NUFIP2: variants seen among roughly 807,000 people sequenced by gnomAD.
NUFIP2 encodes FMR1-interacting protein NUFIP2.
In NUFIP2, 6 loss-of-function variants were observed where a neutral mutation model predicts 56.9. The observed-to-expected ratio is 0.11, with a 90% confidence interval of 0.06 to 0.21. The LOEUF (loss-of-function observed/expected upper bound fraction) is 0.21, where lower values mean the gene tolerates loss of function less well. Ranked by LOEUF, NUFIP2 falls within the 10% of genes least tolerant of loss-of-function variation. The pLI, the probability that NUFIP2 is intolerant of heterozygous loss-of-function variation, is 1.00. For missense variants in NUFIP2, 828 were observed against 826.8 expected, an observed-to-expected ratio of 1.00 and a Z score of -0.02; for synonymous variants, 321 against 298.2, an observed-to-expected ratio of 1.08 and a Z score of -0.79.
At chr17:29,274,151 G>A (rs1485608954) in intron 2 of NUFIP2, among the ~76,000 whole-genome samples, 1 of 152,186 alleles carries the variant, frequency 6.6e-6, no homozygotes, top group African/African-American at 2.4e-5. Context: ...TTGAGCAGGG[G>A]TGAACAAACA....
At chr17:29,269,677 T>C (rs2069059843) in intron 2 of NUFIP2, among the ~76,000 whole-genome samples, 1 of 151,962 alleles carries the variant, frequency 6.6e-6, no homozygotes, top group Admixed American at 6.6e-5. Context: ...GATGGGGTCT[T>C]GCTATGTTGC....
At chr17:29,276,718 A>G (rs1161866913) in intron 2 of NUFIP2, among the ~76,000 whole-genome samples, 2 of 152,188 alleles carry the variant, frequency 1.3e-5, no homozygotes, top group Non-Finnish European at 2.9e-5. Flanking sequence ...CCTCTCATCT[A>G]TTTATCACTA....
chr17:29,265,459 C>T (rs1358879724), intron 3 of NUFIP2, among the ~76,000 whole-genome samples: 12 of 146,804 alleles, frequency 8.2e-5, no homozygotes, highest in Non-Finnish European at 1.7e-4. Context: ...CCCGCTACCA[C>T]GCCCGGCTAA....
At chr17:29,273,772 C>T (rs1009356216) in intron 2 of NUFIP2, among the ~76,000 whole-genome samples, 1 of 152,124 alleles carries the variant, frequency 6.6e-6, no homozygotes, top group African/African-American at 2.4e-5. Context: ...CCACTACCAC[C>T]ACCCAATCTG....
rs1270288443 is a variant in NUFIP2 at position 29,258,172 on chromosome 17, G to A, written c.*6367C>T. On this transcript the variant is annotated 3_prime_UTR_variant, in exon 4 of 4. Transcript: ENST00000225388. ...TTAAAATTTTGGCTTTGCGATATTGGCAACATCAAAATATAACCAGATAGC... is the reference window on the plus strand; with the variant it reads ...TTAAAATTTTGGCTTTGCGATATTGACAACATCAAAATATAACCAGATAGC... 6.6e-6 allele frequency: 1 copy of A among 151,964 alleles called. No individual in the cohort carries two copies. Among genetic ancestry groups the A allele is most frequent in the Non-Finnish European group, 1.5e-5 (1 of 67,970 alleles). 9.4% of individuals were successfully genotyped at this position (151,964 alleles called of 1,614,324 possible).
chr17:29,265,908 C>T (rs1433371383), intron 3 of NUFIP2, among the ~76,000 whole-genome samples: 1 of 152,096 alleles, frequency 6.6e-6, no homozygotes, highest in Non-Finnish European at 1.5e-5. Flanking sequence ...AGAACATGCT[C>T]ATTCCTAAGA....
intron 2 of NUFIP2, among the ~76,000 whole-genome samples, chr17:29,277,181 T>C (rs1441393759): frequency 6.6e-6 from 1 of 152,016 alleles, no homozygotes; most frequent in East Asian, 1.9e-4. Context: ...CGTGCCACCA[T>C]GCCCGGCTCA....
intron 2 of NUFIP2, among the ~76,000 whole-genome samples, chr17:29,271,391 G>GT (rs1422846147): frequency 1.3e-5 from 2 of 151,912 alleles, no homozygotes; most frequent in African/African-American, 4.8e-5. Context: ...ACAAAAATTA[G>GT]TAACGCATGG....
chr17:29,293,915 G>T lies in NUFIP2; in HGVS notation c.145C>A (p.His49Asn), dbSNP rs756259199. The change falls in exon 1 of 4, where the codon CAT becomes AAT. Residue 49 changes from histidine (H) to asparagine (N), a missense_variant. By Grantham distance (68) the His-to-Asn change is moderately conservative (BLOSUM62 1). This residue lies in a region of NUFIP2 where 415 missense variants were observed against 408.7 expected (regional missense o/e 1.02). Coordinates refer to ENST00000225388, the MANE Select transcript of NUFIP2 (RefSeq NM_020772.3). ...YNHSHNHHHH[H>N]HHQQPHQYLQ... ...TATTGGTGAGGCTGCTGGTGATGATGGTGGTGGTGGTGGTTGTGGCTGTGG... is the reference window on the plus strand; with the variant it reads ...TATTGGTGAGGCTGCTGGTGATGATTGTGGTGGTGGTGGTTGTGGCTGTGG... 1.2e-6 allele frequency: 2 copies of T among 1,605,606 alleles called. No individual in the cohort carries two copies. The highest frequency in any genetic ancestry group is 2.7e-5 in the African/African-American group (2 of 74,696).
chr17:29,269,795 A>C (rs1181093911), intron 2 of NUFIP2, among the ~76,000 whole-genome samples: 1 of 151,760 alleles, frequency 6.6e-6, no homozygotes, highest in Non-Finnish European at 1.5e-5. Flanking sequence ...ATCTCAGCTC[A>C]CTGCAAGCTC....
rs1781281392 is a variant in NUFIP2, at chr17:29,262,007, T to A, written c.*2532A>T. 6.6e-6 allele frequency: 1 copy of A among 152,430 alleles called. No homozygotes were observed. Among genetic ancestry groups the A allele is most frequent in the Non-Finnish European group, 1.5e-5 (1 of 68,014 alleles). 9.4% of individuals were successfully genotyped at this position (152,430 alleles called of 1,614,324 possible). ...TTTGGCTTCTCTGAACACTGAGGCC[T>A]GAGGGATATGGAAGGAAATTAGAAA... is the stretch of plus-strand genomic sequence containing the variant. On this transcript the variant is annotated 3_prime_UTR_variant, in exon 4 of 4. Transcript: ENST00000225388.
chr17:29,292,245 T>C (rs1198868228), intron 1 of NUFIP2, among the ~76,000 whole-genome samples: 1 of 152,090 alleles, frequency 6.6e-6, no homozygotes, highest in African/African-American at 2.4e-5. Context: ...TCTAACCTCA[T>C]GGATGAGCCA....
Position 29,258,311 on chromosome 17 carries a change from T to G in NUFIP2, c.*6228A>C, listed in dbSNP as rs1477065063. On this transcript the variant is annotated 3_prime_UTR_variant, in exon 4 of 4. Coordinates refer to ENST00000225388, the MANE Select transcript of NUFIP2 (RefSeq NM_020772.3). Reference sequence around the variant, plus strand: ...GTGCTTGAGAAATGACTTTTCTTCTTGTCAAGTAGCATTCACTAAAGTTTT... The same window carrying G: ...GTGCTTGAGAAATGACTTTTCTTCTGGTCAAGTAGCATTCACTAAAGTTTT... The G allele has an allele frequency of 1.3e-5, 2 of 152,214 alleles. No individual in the cohort carries two copies. Among genetic ancestry groups the G allele is most frequent in the Non-Finnish European group, 2.9e-5 (2 of 68,028 alleles). The allele number at this position is 152,214 out of a possible 1,614,324, so 9.4% of individuals were successfully genotyped here.
rs778209919 is a variant in NUFIP2 at position 29,294,097 on chromosome 17, T to G, written c.-38A>C. 65 of 1,562,062 alleles carry G rather than the reference T, an allele frequency of 4.2e-5. No homozygotes were observed. In the South Asian group the frequency reaches 7.6e-4, roughly 18 times the overall value. On this transcript the variant is annotated 5_prime_UTR_variant, in exon 1 of 4. Transcript: ENST00000225388. The stretch of plus-strand genomic sequence containing the variant: ...GGACTCCCTGGCTGAGGCTGCGGGC[T>G]GCTGCACCGTCAGGATCTGAGACTG...
At position 29,263,984 on chromosome 17, in the gene NUFIP2, A is replaced by C. The variant is rs2069018948; in HGVS notation, c.*555T>G. 6.5e-6 allele frequency: 1 copy of C among 152,750 alleles called. No homozygotes were observed. Among genetic ancestry groups the C allele is most frequent in the Admixed American group, 6.5e-5 (1 of 15,280 alleles). 9.5% of individuals were successfully genotyped at this position (152,750 alleles called of 1,614,324 possible). On this transcript the variant is annotated 3_prime_UTR_variant, in exon 4 of 4. Transcript: ENST00000225388. Reference sequence around the variant, plus strand: ...ATTCGCTAAAAAAATACACCCTGCTAACTTCAAGGCATTTATCCAGCATTC... The same window carrying C: ...ATTCGCTAAAAAAATACACCCTGCTCACTTCAAGGCATTTATCCAGCATTC...
At position 29,285,118 on chromosome 17, in the gene NUFIP2, C is replaced by T. The variant is rs548143177; in HGVS notation, c.2002+874G>A. Reference sequence around the variant, plus strand: ...AAGTTTGAGATCAGCCTGGCCAACACGGGGAAACCCGTGTCTACTGAAAAT... The same window carrying T: ...AAGTTTGAGATCAGCCTGGCCAACATGGGGAAACCCGTGTCTACTGAAAAT... On this transcript the variant is annotated intron_variant, in intron 2 of 3. Transcript: ENST00000225388. Among the ~76,000 whole-genome samples the T allele has an allele frequency of 2.8e-4, 42 of 151,932 alleles. No individual in the cohort carries two copies. In the East Asian group the frequency reaches 2.9e-3, roughly 11 times the overall value.
Position 29,286,044 on chromosome 17 carries a change from A to C in NUFIP2, c.1950T>G (p.Asn650Lys), listed in dbSNP as rs966466607. 4 of 1,614,162 alleles carry C rather than the reference A, an allele frequency of 2.5e-6. No individual in the cohort carries two copies. The highest frequency in any genetic ancestry group is 3.4e-6 in the Non-Finnish European group (4 of 1,179,988). ...EQRYQRGLER[N>K]DSWGSFDLRA... ...TCAGGTCAAAAGAACCCCAGCTATC[A>C]TTCCTTTCTAGGCCTCTCTGGTATC... The change falls in exon 2 of 4, where the codon AAT becomes AAG. Residue 650 changes from asparagine (N) to lysine (K), a missense_variant. Around this residue, in one of 3 missense-constraint regions of NUFIP2, gnomAD observed 404 missense variants for 380.3 expected, o/e 1.06. Transcript: ENST00000225388.
intron 3 of NUFIP2, among the ~76,000 whole-genome samples, chr17:29,266,436 A>G (rs1235766186): frequency 6.6e-6 from 1 of 151,992 alleles, no homozygotes; most frequent in Non-Finnish European, 1.5e-5. Context: ...AATATGTAAA[A>G]TAAGAGAAAT....
Position 29,283,849 on chromosome 17 carries a change from G to C in NUFIP2, c.2002+2143C>G, listed in dbSNP as rs566579458. Among the ~76,000 whole-genome samples the C allele has an allele frequency of 2.6e-5, 4 of 152,300 alleles. No individual in the cohort carries two copies. In the South Asian group the frequency reaches 8.3e-4, roughly 32 times the overall value. On this transcript the variant is annotated intron_variant, in intron 2 of 3. Coordinates refer to ENST00000225388, the MANE Select transcript of NUFIP2 (RefSeq NM_020772.3). ...ACCAACTCCTGTATTTACCTTCAAA[G>C]AGCAGAGCTGGAGAATAAGTGAAAT... is the stretch of plus-strand genomic sequence containing the variant.
Sources: gnomAD v4.1 joint callset for allele counts (sites outside exome capture counted in the v4.1 genomes callset) on GRCh38, gnomAD v4.1.1 for gene constraint, gnomAD v4.1.1 regional missense constraint, MANE v1.5 for transcripts, NCBI Gene and HGNC (gene_info 2026-07-23, HGNC 2026-07-21) for gene names.